TENM2: variants seen among roughly 807,000 people sequenced by gnomAD.
TENM2 encodes the protein teneurin-2.
TENM2 carries 52 observed loss-of-function variants against 245.2 expected under a neutral mutation model. The observed-to-expected ratio is 0.21, with a 90% CI of 0.17 to 0.27. The LOEUF is 0.27. Ranked by LOEUF, TENM2 falls within the 10% of genes least tolerant of loss-of-function variation. The pLI is 1.00. For synonymous variants in TENM2, 1,363 were observed against 1,438.9 expected, an observed-to-expected ratio of 0.95 and a Z score of 1.19; for missense variants, 3,046 against 3,666.8, an observed-to-expected ratio of 0.83 and a Z score of 4.37.
chr5:167,595,343 G>T (rs959983520), intron 2 of TENM2, among the ~76,000 whole-genome samples: 1 of 145,512 alleles, frequency 6.9e-6, no homozygotes, highest in Non-Finnish European at 1.6e-5. Context: ...GCCCAAAGCT[G>T]GCTTTTGAAA....
chr5:167,043,150 A>G, the TENM2 span, among the ~76,000 whole-genome samples: 7 of 152,230 alleles, frequency 4.6e-5, no homozygotes, highest in Non-Finnish European at 7.3e-5. Context: ...GCTTAAAACA[A>G]AAGGTTTTAT....
intron 2 of TENM2, among the ~76,000 whole-genome samples, chr5:167,452,307 G>T (rs986462934): frequency 6.6e-6 from 1 of 152,114 alleles, no homozygotes; most frequent in Non-Finnish European, 1.5e-5. Context: ...GTGGGAGGAG[G>T]GTCTGTTATG....
At chr5:167,052,837 T>A in the TENM2 span, among the ~76,000 whole-genome samples, 1 of 152,108 alleles carries the variant, frequency 6.6e-6, no homozygotes, top group Non-Finnish European at 1.5e-5. Flanking sequence ...CCTCTTTACT[T>A]CTTCTCGTAT....
chr5:167,281,072 A>G (rs1771029628), upstream of TENM2, among the ~76,000 whole-genome samples: 2 of 151,596 alleles, frequency 1.3e-5, no homozygotes, highest in South Asian at 2.1e-4. Flanking sequence ...AGATTTTCAT[A>G]TATAATTCTT....
the TENM2 span, among the ~76,000 whole-genome samples, chr5:167,009,223 C>T: frequency 6.6e-6 from 1 of 152,098 alleles, no homozygotes; most frequent in African/African-American, 2.4e-5. Flanking sequence ...GACATACACC[C>T]CTACACACGC....
intron 3 of TENM2, among the ~76,000 whole-genome samples, chr5:167,910,160 C>T (rs1259882917): frequency 6.6e-6 from 1 of 152,180 alleles, no homozygotes; most frequent in African/African-American, 2.4e-5. Flanking sequence ...GATACAGGCA[C>T]ATGTGCTACA....
the TENM2 span, among the ~76,000 whole-genome samples, chr5:167,063,745 G>T: frequency 1.3e-5 from 2 of 152,156 alleles, no homozygotes; most frequent in East Asian, 1.9e-4. Context: ...GTCTTCTTTT[G>T]AAATATGTGC....
intron 12 of TENM2, among the ~76,000 whole-genome samples, chr5:168,140,694 T>C (rs1028345122): frequency 6.6e-6 from 1 of 152,224 alleles, no homozygotes; most frequent in African/African-American, 2.4e-5. Context: ...AAACTTCAAA[T>C]GGTACCTTCA....
chr5:167,759,437 G>A (rs771569732), intron 2 of TENM2, among the ~76,000 whole-genome samples: 4 of 152,062 alleles, frequency 2.6e-5, no homozygotes, highest in Non-Finnish European at 4.4e-5. Flanking sequence ...CTCTGATTTT[G>A]TAAGTGGAAA....
intron 2 of TENM2, among the ~76,000 whole-genome samples, chr5:167,548,256 T>C (rs1772694160): frequency 6.6e-6 from 1 of 152,326 alleles, no homozygotes; most frequent in African/African-American, 2.4e-5. Flanking sequence ...TCTTTTGTGT[T>C]GACAGACTTT....
chr5:167,633,030 A>T (rs1778975889), intron 2 of TENM2, among the ~76,000 whole-genome samples: 1 of 152,222 alleles, frequency 6.6e-6, no homozygotes. Context: ...TTTTGTACTA[A>T]ACAACATCAG....
At chr5:167,797,919 A>G (rs552407060) in intron 2 of TENM2, among the ~76,000 whole-genome samples, 1 of 152,364 alleles carries the variant, frequency 6.6e-6, no homozygotes, top group African/African-American at 2.4e-5. Flanking sequence ...TTATGACTCC[A>G]ACAGAGTTGC....
intron 7 of TENM2, among the ~76,000 whole-genome samples, chr5:168,078,315 G>C (rs1791663935): frequency 6.6e-6 from 1 of 152,118 alleles, no homozygotes; most frequent in African/African-American, 2.4e-5. Flanking sequence ...GTTCCTTGTA[G>C]ATTCTGGATA....
intron 1 of TENM2, among the ~76,000 whole-genome samples, chr5:167,351,609 A>G (rs184631378): frequency 1.3e-5 from 2 of 152,320 alleles, no homozygotes; most frequent in South Asian, 2.1e-4. Flanking sequence ...AAAGCAGAAC[A>G]TATAGAGGTG....
At chr5:167,812,799 G>T (rs1467448538) in intron 2 of TENM2, among the ~76,000 whole-genome samples, 1 of 152,066 alleles carries the variant, frequency 6.6e-6, no homozygotes, top group South Asian at 2.1e-4. Context: ...TATGACCAAG[G>T]GACAAAGCAA....
chr5:167,801,109 A>AAAAATAT (rs1444227809), intron 2 of TENM2, among the ~76,000 whole-genome samples: 4 of 66,554 alleles, frequency 6.0e-5, no homozygotes, highest in Non-Finnish European at 5.3e-5. Context: ...AAAAAAAAAA[A>AAAAATAT]ATATATATAT....
At chr5:167,939,453 C>G (rs1416409438) in intron 3 of TENM2, among the ~76,000 whole-genome samples, 2 of 152,154 alleles carry the variant, frequency 1.3e-5, no homozygotes, top group African/African-American at 4.8e-5. Context: ...TTGGGGACCC[C>G]TGCTTTACAA....
chr5:168,132,652 G>C (rs556127246), intron 12 of TENM2, among the ~76,000 whole-genome samples: 1 of 152,178 alleles, frequency 6.6e-6, no homozygotes, highest in Non-Finnish European at 1.5e-5. Context: ...TGAACAGTTT[G>C]GAACTCTTGC....
At chr5:167,001,790 C>T in the TENM2 span, among the ~76,000 whole-genome samples, 1 of 151,868 alleles carries the variant, frequency 6.6e-6, no homozygotes, top group Non-Finnish European at 1.5e-5. Context: ...ATGGTACAAG[C>T]TTGTTGGTAG....
Sources: gnomAD v4.1 joint callset for allele counts (sites outside exome capture counted in the v4.1 genomes callset) on GRCh38, gnomAD v4.1.1 for gene constraint, MANE v1.5 for transcripts, NCBI Gene and HGNC (gene_info 2026-07-23, HGNC 2026-07-21) for gene names.